The following PCDHA5 variants were observed in gnomAD, a reference collection of about 807,000 sequenced individuals.
PCDHA5 encodes protocadherin alpha-5.
A neutral mutation model predicts 61.6 loss-of-function variants in PCDHA5; 43 were observed. That is an observed-to-expected ratio of 0.70 (90% CI 0.55 to 0.90). The LOEUF (loss-of-function observed/expected upper bound fraction) is 0.90, where lower values mean the gene tolerates loss of function less well. Among genes scored for constraint, PCDHA5 ranks in the 40% least tolerant of loss-of-function variants. The pLI is 0.00. For synonymous variants in PCDHA5, 627 were observed against 543.9 expected (o/e 1.15, Z -2.13); for missense variants, 1,298 against 1,222.7 (o/e 1.06, Z -0.92).
In PCDHA5 at chr5:140,849,498, A is replaced by T. The variant is rs1347480492; in HGVS notation, c.2352+25371A>T. On this transcript the variant is annotated intron_variant, in intron 1 of 3. Transcript: ENST00000529859. Reference sequence around the variant, plus strand: ...CTTCCCACCCCTGGCTGGTCATTGTACACTTCTTGTGGAAGTTGTGGATGT... The same window carrying T: ...CTTCCCACCCCTGGCTGGTCATTGTTCACTTCTTGTGGAAGTTGTGGATGT... 6.9e-6 allele frequency: 11 copies of T among 1,593,514 alleles called. 1 individual carries two copies. The highest frequency in any genetic ancestry group is 9.4e-6 in the Non-Finnish European group (11 of 1,165,148).
rs2096830970 is a variant in PCDHA5, at chr5:140,978,991, A to C, written c.2395A>C (p.Arg799=). Residue 799 remains arginine, a synonymous_variant, in exon 2 of 4, where the codon AGA becomes CGA. Coordinates refer to ENST00000529859, the MANE Select transcript of PCDHA5 (RefSeq NM_018908.3). ...TGACTGGCGTTACTCTGCCTCCCTG[A>C]GAGCAGGCATGCACAGGTATGTATT... ...NPDWRYSASL[R]AGMHSSVHLE... is the part of the protein sequence containing the mutation. 1.2e-6 allele frequency: 2 copies of C among 1,614,188 alleles called. No individual in the cohort carries two copies. Among genetic ancestry groups the C allele is most frequent in the East Asian group, 2.2e-5 (1 of 44,882 alleles).
chr5:140,953,641 G>A (rs246029), intron 1 of PCDHA5, among the ~76,000 whole-genome samples: 85,647 of 151,972 alleles, frequency 0.56, 24,761 homozygotes, highest in African/African-American at 0.69. Context: ...TTTTGGCCAG[G>A]AGCTATAGTT....
chr5:140,884,449 C>T, intron 1 of PCDHA5: 1 of 1,613,826 alleles, frequency 6.2e-7, no homozygotes, highest in Non-Finnish European at 8.5e-7. Context: ...CGGCACCGCC[C>T]ACCGAGGGCG....
chr5:140,896,560 A>G (rs1583236503), intron 1 of PCDHA5, among the ~76,000 whole-genome samples: 2 of 150,934 alleles, frequency 1.3e-5, no homozygotes, highest in African/African-American at 4.9e-5. Flanking sequence ...TATTTTAAGT[A>G]GAGATGGGGT....
intron 1 of PCDHA5, among the ~76,000 whole-genome samples, chr5:140,839,858 G>A (rs2150301292): frequency 6.6e-6 from 1 of 152,038 alleles, no homozygotes; most frequent in East Asian, 1.9e-4. Context: ...TACTTTTGAG[G>A]TGGACTTTGA....
intron 3 of PCDHA5, among the ~76,000 whole-genome samples, chr5:141,009,289 T>C (rs1474871800): frequency 1.4e-4 from 22 of 152,136 alleles, no homozygotes; most frequent in African/African-American, 5.1e-4. Context: ...ATCCCATTTC[T>C]ATAAAATTTT....
intron 1 of PCDHA5, among the ~76,000 whole-genome samples, chr5:140,905,599 G>A (rs782355615): frequency 2.0e-5 from 3 of 152,096 alleles, no homozygotes; most frequent in Non-Finnish European, 2.9e-5. Context: ...GCTGGGAATT[G>A]CATTGAATCT....
chr5:140,904,423 T>TTA (rs1304104435), intron 1 of PCDHA5, among the ~76,000 whole-genome samples: 1 of 151,090 alleles, frequency 6.6e-6, no homozygotes. Flanking sequence ...TACATATATT[T>TTA]TATATATATG....
At chr5:140,850,666 C>G in intron 1 of PCDHA5, 1 of 1,598,434 alleles carries the variant, frequency 6.3e-7, no homozygotes, top group Non-Finnish European at 8.6e-7. Flanking sequence ...CTGCGGTGCT[C>G]GGCGATGCCC....
intron 1 of PCDHA5, chr5:140,835,475 A>T (rs141258579): frequency 6.2e-7 from 1 of 1,613,920 alleles, no homozygotes; most frequent in Non-Finnish European, 8.5e-7. Flanking sequence ...AGGACGCCCA[A>T]CCAGGTACCG....
chr5:140,892,408 G>C (rs1323060042), intron 1 of PCDHA5, among the ~76,000 whole-genome samples: 1 of 152,054 alleles, frequency 6.6e-6, no homozygotes, highest in Non-Finnish European at 1.5e-5. Context: ...TCAAGCTTCA[G>C]GTATTCTAGA....
At chr5:140,958,913 C>T (rs1367853733) in intron 1 of PCDHA5, among the ~76,000 whole-genome samples, 12 of 151,050 alleles carry the variant, frequency 7.9e-5, no homozygotes, top group Non-Finnish European at 8.8e-5. Context: ...AAAAGTCTGC[C>T]TGGGTGTGGT....
intron 1 of PCDHA5, among the ~76,000 whole-genome samples, chr5:140,972,665 T>A (rs1554234345): frequency 6.7e-6 from 1 of 148,584 alleles, no homozygotes; most frequent in Non-Finnish European, 1.5e-5. Flanking sequence ...ACCAAATTTT[T>A]TTTTTTTTTT....
At chr5:140,863,299 G>A (rs868935823) in intron 1 of PCDHA5, 1 of 1,462,780 alleles carries the variant, frequency 6.8e-7, no homozygotes, top group Admixed American at 1.8e-5. Context: ...CCTGATCATC[G>A]CCATCTGCGT....
chr5:140,884,358 A>G lies in PCDHA5; in HGVS notation c.2352+60231A>G, dbSNP rs546242835. On this transcript the variant is annotated intron_variant, in intron 1 of 3. Coordinates refer to ENST00000529859, the MANE Select transcript of PCDHA5 (RefSeq NM_018908.3). Reference sequence around the variant, plus strand: ...CCAGAAGCGGCGCTGGTGGATGTCAATGTTTACTTGATCATTGCCATCTGC... The same window carrying G: ...CCAGAAGCGGCGCTGGTGGATGTCAGTGTTTACTTGATCATTGCCATCTGC... The G allele has an allele frequency of 7.8e-5, 126 of 1,613,886 alleles. 3 individuals carry two copies. The South Asian group carries it at 1.1e-3, about 14-fold the overall frequency.
chr5:140,850,188 C>T (rs2150472267), intron 1 of PCDHA5: 1 of 1,593,702 alleles, frequency 6.3e-7, no homozygotes, highest in Non-Finnish European at 8.6e-7. Flanking sequence ...TGCGCCGGCG[C>T]TGCTGACACC....
intron 1 of PCDHA5, chr5:140,969,130 C>A (rs1353677478): frequency 2.5e-6 from 4 of 1,614,132 alleles, no homozygotes; most frequent in Non-Finnish European, 1.7e-6. Context: ...GCTCCCTCAC[C>A]AAGACCTACT....
At chr5:140,967,803 C>T (rs1042188546) in intron 1 of PCDHA5, 3 of 1,614,066 alleles carry the variant, frequency 1.9e-6, no homozygotes, top group Admixed American at 3.3e-5. Flanking sequence ...GTGCCCATGG[C>T]AGGTCACTGC....
intron 1 of PCDHA5, among the ~76,000 whole-genome samples, chr5:140,961,208 A>T (rs1268712075): frequency 1.3e-5 from 2 of 152,164 alleles, no homozygotes; most frequent in African/African-American, 4.8e-5. Flanking sequence ...GTTGGTATTG[A>T]TGAAGAAACT....
Sources: allele counts gnomAD v4.1 joint callset (sites outside exome capture counted in the v4.1 genomes callset), GRCh38; gene constraint gnomAD v4.1.1; transcripts MANE v1.5; gene names NCBI Gene and HGNC (gene_info 2026-07-23, HGNC 2026-07-21).